The following HDHD2 variants were observed in gnomAD, a reference collection of about 807,000 sequenced individuals.
The protein encoded by HDHD2 is haloacid dehalogenase like hydrolase domain containing 2.
In HDHD2, 26 loss-of-function variants were observed where a neutral mutation model predicts 24.8. The ratio of observed to expected loss-of-function variants is 1.05; its 90% CI spans 0.77 to 1.45. The LOEUF (loss-of-function observed/expected upper bound fraction) is 1.45, where lower values mean the gene tolerates loss of function less well. Ranked by LOEUF, HDHD2 falls within the 40% of genes most tolerant of loss-of-function variation. HDHD2 has a pLI of 0.00. For missense variants in HDHD2, 299 were observed against 313.4 expected (o/e 0.95, Z 0.35); for synonymous variants, 128 against 114.9 (o/e 1.11, Z -0.73).
chr18:47,112,795 C>T (rs1463855504), intron 6 of HDHD2, among the ~76,000 whole-genome samples, 182 bp downstream of exon 6: 1 of 152,184 alleles, frequency 6.6e-6, no homozygotes, highest in African/African-American at 2.4e-5. Flanking sequence ...ATCTTCCTAG[C>T]TTTGTACAGC....
At chr18:47,145,315 C>T (rs543352528) in intron 1 of HDHD2, among the ~76,000 whole-genome samples, 19 of 152,320 alleles carry the variant, frequency 1.2e-4, no homozygotes, top group East Asian at 1.9e-4. Context: ...CAAGACACTT[C>T]GGCCAAGACC....
At chr18:47,149,605 T>C (rs1335081386) in intron 1 of HDHD2, among the ~76,000 whole-genome samples, 2 of 152,288 alleles carry the variant, frequency 1.3e-5, no homozygotes, top group Admixed American at 6.5e-5. Flanking sequence ...TTTGCCTCCC[T>C]CGTTGCGGGA....
chr18:47,136,989 T>G, intron 1 of HDHD2: 1 of 594,780 alleles, frequency 1.7e-6, no homozygotes, highest in Non-Finnish European at 3.1e-6. Flanking sequence ...TTTTGTGAAG[T>G]GGCAGCTGAG....
At chr18:47,125,642 A>T (rs1372613344) in intron 4 of HDHD2, among the ~76,000 whole-genome samples, 1 of 152,236 alleles carries the variant, frequency 6.6e-6, no homozygotes, top group African/African-American at 2.4e-5. Flanking sequence ...CAGACCAAAA[A>T]ATGCTATAAT....
At chr18:47,144,681 C>A (rs1349439736) in intron 1 of HDHD2, among the ~76,000 whole-genome samples, 1 of 151,742 alleles carries the variant, frequency 6.6e-6, no homozygotes, top group Non-Finnish European at 1.5e-5. Flanking sequence ...GGCCTGTAGT[C>A]CTAGCTACTT....
intron 1 of HDHD2, among the ~76,000 whole-genome samples, chr18:47,149,886 G>A (rs997799016): frequency 6.6e-6 from 1 of 152,152 alleles, no homozygotes; most frequent in African/African-American, 2.4e-5. Flanking sequence ...GTTCAATAAA[G>A]ATCGTGAATT....
intron 6 of HDHD2, 56 bp downstream of exon 6, chr18:47,112,921 C>A: frequency 7.1e-7 from 1 of 1,405,066 alleles, no homozygotes; most frequent in Non-Finnish European, 1.0e-6. Context: ...GTTCTTTAAG[C>A]AACTGTGTAT....
chr18:47,136,502 TAA>T (rs2063767654), intron 1 of HDHD2, 53 bp from the exon 2 acceptor site: 1 of 1,424,660 alleles, frequency 7.0e-7, no homozygotes, highest in Non-Finnish European at 9.7e-7. Flanking sequence ...AATGGACAAT[TAA>T]AAACTGGTAA....
At chr18:47,112,737 C>T (rs890239631) in intron 6 of HDHD2, among the ~76,000 whole-genome samples, 3 of 152,152 alleles carry the variant, frequency 2.0e-5, no homozygotes, top group African/African-American at 7.2e-5. Flanking sequence ...ATGCTGTCAA[C>T]CAGGAATGGT....
rs1332511889 is a variant in HDHD2, at chr18:47,138,980, G to T, written c.-10-2531C>A. On this transcript the variant is annotated intron_variant, in intron 1 of 6. Coordinates refer to ENST00000300605, the MANE Select transcript of HDHD2 (RefSeq NM_032124.5). ...TATCCAATGAAGTCTCCATTGATAG[G>T]GCTCCATGGGGGCTTTTGGGGAGCT... 3.9e-5 allele frequency among the ~76,000 whole-genome samples: 6 copies of T among 152,224 alleles called. 1 individual carries two copies. Among genetic ancestry groups the T allele is most frequent in the African/African-American group, 1.4e-4 (6 of 41,550 alleles).
intron 4 of HDHD2, among the ~76,000 whole-genome samples, chr18:47,124,218 A>G (rs979359870): frequency 1.3e-5 from 2 of 152,252 alleles, no homozygotes; most frequent in African/African-American, 4.8e-5. Flanking sequence ...AGAAGAAAAC[A>G]CAGGAAAATA....
At chr18:47,112,902 G>T (rs2063526869) in intron 6 of HDHD2, 75 bp downstream of exon 6, 2 of 1,257,940 alleles carry the variant, frequency 1.6e-6, no homozygotes, top group African/African-American at 1.5e-5. Context: ...TGCCATTTCT[G>T]CAAAGATTGT....
In HDHD2 at chr18:47,134,510, A is replaced by C; in HGVS notation, c.296T>G (p.Leu99Arg). The C allele has an allele frequency of 6.2e-7, 1 of 1,613,726 alleles. No homozygotes were observed. Among genetic ancestry groups the C allele is most frequent in the Non-Finnish European group, 8.5e-7 (1 of 1,179,600 alleles). Reference protein sequence around the residue: ...RPMLLVDDRALPDFKGIQTSD... With the variant: ...RPMLLVDDRARPDFKGIQTSD... ...ATTTCCCCTACCTTTGAAATCAGGT[A>C]GTGCCCGATCATCAACTAGCAGCAT... Residue 99 changes from leucine (L) to arginine (R), a missense_variant, in exon 3 of 7, where the codon CTA becomes CGA. Transcript: ENST00000300605.
rs2063920043 is a variant in HDHD2, at chr18:47,150,408, C to A, written c.-41G>T. The stretch of plus-strand genomic sequence containing the variant: ...CTCCGTACGCCGTCCTCAGGAAAGG[C>A]CCCCGCTAATGGCAAAGCCAGCCAC... On this transcript the variant is annotated 5_prime_UTR_variant, in exon 1 of 7. Transcript: ENST00000300605. The A allele has an allele frequency of 6.6e-6, 1 of 152,414 alleles. No individual in the cohort carries two copies. Among genetic ancestry groups the A allele is most frequent in the Non-Finnish European group, 1.5e-5 (1 of 68,176 alleles). 9.4% of individuals were successfully genotyped at this position (152,414 alleles called of 1,614,324 possible).
At chr18:47,132,573 G>A (rs998772649) in intron 3 of HDHD2, among the ~76,000 whole-genome samples, 1 of 152,078 alleles carries the variant, frequency 6.6e-6, no homozygotes, top group Non-Finnish European at 1.5e-5. Context: ...TTTATTTTCT[G>A]TTTAATTCAG....
At chr18:47,118,941 C>T (rs1414641957) in intron 4 of HDHD2, among the ~76,000 whole-genome samples, 1 of 152,170 alleles carries the variant, frequency 6.6e-6, no homozygotes, top group East Asian at 1.9e-4. Context: ...CAGCTGCAGA[C>T]CATTGCAATA....
At chr18:47,129,981 CATG>C (rs1404193421) in intron 4 of HDHD2, among the ~76,000 whole-genome samples, 1 of 152,084 alleles carries the variant, frequency 6.6e-6, no homozygotes. Flanking sequence ...TGTGGTGAGC[CATG>C]ATGATGTCAC....
At chr18:47,141,232 CTTAAGCTGTCAATGGGG>C (rs1456789761) in intron 1 of HDHD2, among the ~76,000 whole-genome samples, 1 of 152,168 alleles carries the variant, frequency 6.6e-6, no homozygotes, top group Non-Finnish European at 1.5e-5. Context: ...ATTTTTTCCC[CTTAAGCTGTCAATGGGG>C]TCAATTAATG....
At chr18:47,129,023 CA>C (rs767275593) in intron 4 of HDHD2, among the ~76,000 whole-genome samples, 2 of 151,678 alleles carry the variant, frequency 1.3e-5, no homozygotes, top group East Asian at 1.9e-4. Flanking sequence ...AGCATTCTTG[CA>C]GTTAAATACA....
Sources: gnomAD v4.1 joint callset for allele counts (sites outside exome capture counted in the v4.1 genomes callset) on GRCh38, gnomAD v4.1.1 for gene constraint, MANE v1.5 for transcripts, NCBI Gene and HGNC (gene_info 2026-07-23, HGNC 2026-07-21) for gene names.